Variants in KCNAB1 observed in about 807,000 individuals in gnomAD.
KCNAB1 encodes potassium voltage-gated channel subfamily A regulatory beta subunit 1.
KCNAB1 carries 35 observed loss-of-function variants against 64.6 expected under a neutral mutation model. The observed-to-expected ratio is 0.54, with a 90% CI of 0.41 to 0.72. KCNAB1 has a LOEUF of 0.72. Ranked by LOEUF, KCNAB1 falls within the 30% of genes least tolerant of loss-of-function variation. The pLI is 0.00. For missense variants in KCNAB1, 401 were observed against 512.9 expected, an observed-to-expected ratio of 0.78 and a Z score of 2.11; for synonymous variants, 177 against 183.8, an observed-to-expected ratio of 0.96 and a Z score of 0.30.
intron 1 of KCNAB1, among the ~76,000 whole-genome samples, chr3:156,332,705 C>A (rs1040392087): frequency 6.6e-6 from 1 of 152,140 alleles, no homozygotes; most frequent in African/African-American, 2.4e-5. Context: ...TCTGAGTTTT[C>A]TTTTCGAAAA....
chr3:156,504,731 GTT>G (rs1419855349), intron 8 of KCNAB1, among the ~76,000 whole-genome samples: 1 of 121,626 alleles, frequency 8.2e-6, no homozygotes, highest in Non-Finnish European at 1.8e-5. Flanking sequence ...TGGATTACTT[GTT>G]TTGTTTTTGT....
intron 1 of KCNAB1, among the ~76,000 whole-genome samples, chr3:156,346,283 C>G (rs1484630646): frequency 6.6e-6 from 1 of 151,930 alleles, no homozygotes; most frequent in African/African-American, 2.4e-5. Flanking sequence ...GAGAAAAACT[C>G]AGAGGAAATA....
chr3:156,274,789 C>A, intron 1 of KCNAB1, among the ~76,000 whole-genome samples: 1 of 152,148 alleles, frequency 6.6e-6, no homozygotes, highest in East Asian at 1.9e-4. Context: ...CATATGCATA[C>A]ATTGTGAAAT....
At chr3:156,529,747 G>A (rs571029458) in intron 12 of KCNAB1, among the ~76,000 whole-genome samples, 1 of 152,228 alleles carries the variant, frequency 6.6e-6, no homozygotes, top group Non-Finnish European at 1.5e-5. Flanking sequence ...GTCAGAACAG[G>A]ACAGTTCTTA....
At chr3:156,433,035 G>C (rs539826910) in intron 2 of KCNAB1, among the ~76,000 whole-genome samples, 1 of 152,130 alleles carries the variant, frequency 6.6e-6, no homozygotes, top group South Asian at 2.1e-4. Flanking sequence ...CGACTGACTC[G>C]GTCATCCCTG....
At chr3:156,443,131 T>C (rs888898830) in intron 2 of KCNAB1, among the ~76,000 whole-genome samples, 2 of 152,272 alleles carry the variant, frequency 1.3e-5, no homozygotes, top group African/African-American at 4.8e-5. Context: ...GTTTGCTGCA[T>C]CTATCAACTC....
intron 1 of KCNAB1, among the ~76,000 whole-genome samples, chr3:156,246,255 CAGGTAGT>C (rs907823763): frequency 1.3e-5 from 2 of 152,114 alleles, no homozygotes; most frequent in Non-Finnish European, 2.9e-5. Flanking sequence ...TACTCAGAAT[CAGGTAGT>C]AGGAGTGAGA....
At chr3:156,392,944 T>C (rs918971122) in intron 1 of KCNAB1, among the ~76,000 whole-genome samples, 1 of 152,224 alleles carries the variant, frequency 6.6e-6, no homozygotes, top group Non-Finnish European at 1.5e-5. Context: ...TGTCTAGTAT[T>C]AATATCAAGG....
At chr3:156,304,488 A>C (rs1721356281) in intron 1 of KCNAB1, among the ~76,000 whole-genome samples, 1 of 152,226 alleles carries the variant, frequency 6.6e-6, no homozygotes, top group Admixed American at 6.5e-5. Context: ...AAGTTCAGAC[A>C]GCTTCTGGCC....
At chr3:156,197,506 A>T (rs1303007158) in intron 1 of KCNAB1, among the ~76,000 whole-genome samples, 1 of 152,050 alleles carries the variant, frequency 6.6e-6, no homozygotes, top group African/African-American at 2.4e-5. Context: ...GTCTATACAG[A>T]GATTTGACTT....
At chr3:156,490,275 C>G (rs1275063070) in intron 8 of KCNAB1, among the ~76,000 whole-genome samples, 1 of 152,006 alleles carries the variant, frequency 6.6e-6, no homozygotes, top group Non-Finnish European at 1.5e-5. Flanking sequence ...GGAAGAAAAC[C>G]CTATTGAAAA....
chr3:156,371,213 G>A (rs1036172508), intron 1 of KCNAB1, among the ~76,000 whole-genome samples: 4 of 152,166 alleles, frequency 2.6e-5, no homozygotes, highest in African/African-American at 9.7e-5. Context: ...AGGGGTCAAG[G>A]AAATTGCTTA....
chr3:156,468,367 A>G (rs757517023), intron 7 of KCNAB1, among the ~76,000 whole-genome samples: 2 of 152,008 alleles, frequency 1.3e-5, no homozygotes, highest in Non-Finnish European at 1.5e-5. Context: ...GTGTGTGTGT[A>G]CATAGATATA....
chr3:156,384,627 G>A (rs1028860303), intron 1 of KCNAB1, among the ~76,000 whole-genome samples: 1 of 152,244 alleles, frequency 6.6e-6, no homozygotes, highest in African/African-American at 2.4e-5. Context: ...TCTAGAGGCA[G>A]GGATGGTTCA....
At chr3:156,333,868 C>CT (rs1278089061) in intron 1 of KCNAB1, among the ~76,000 whole-genome samples, 3 of 152,078 alleles carry the variant, frequency 2.0e-5, no homozygotes, top group Non-Finnish European at 2.9e-5. Context: ...TTAAAATTCA[C>CT]TTTTTTTCTC....
chr3:156,132,027 G>A (rs1483821364), intron 1 of KCNAB1, among the ~76,000 whole-genome samples: 2 of 152,072 alleles, frequency 1.3e-5, no homozygotes, highest in East Asian at 1.9e-4. Context: ...GCTGGGAATT[G>A]TAGTTATAAA....
chr3:156,249,134 G>A (rs1717653588), intron 1 of KCNAB1, among the ~76,000 whole-genome samples: 1 of 152,024 alleles, frequency 6.6e-6, no homozygotes, highest in African/African-American at 2.4e-5. Context: ...GTTAGGCAAT[G>A]AAAAGTGCTA....
chr3:156,124,854 C>A lies in KCNAB1; in HGVS notation c.275+3968C>A, dbSNP rs558050249. 2.0e-5 allele frequency among the ~76,000 whole-genome samples: 3 copies of A among 152,102 alleles called. No homozygotes were observed. The South Asian group carries it at 6.2e-4, about 32-fold the overall frequency. ...TGCTAACACCATTATAAAGAATGGT[C>A]GTAGGCCGGGCATGGTGGCTCATGC... On this transcript the variant is annotated intron_variant, in intron 1 of 13. Transcript: ENST00000490337.
At chr3:156,429,340 A>G (rs1020512183) in intron 2 of KCNAB1, among the ~76,000 whole-genome samples, 4 of 152,148 alleles carry the variant, frequency 2.6e-5, no homozygotes, top group Admixed American at 2.6e-4. Flanking sequence ...GGCATTTCCA[A>G]CTGGACTGGA....
Sources: allele counts gnomAD v4.1 joint callset (sites outside exome capture counted in the v4.1 genomes callset), GRCh38; gene constraint gnomAD v4.1.1; transcripts MANE v1.5; gene names NCBI Gene and HGNC (gene_info 2026-07-23, HGNC 2026-07-21).